The following MAD1L1 variants were observed in gnomAD, a reference collection of about 807,000 sequenced individuals.
MAD1L1 encodes mitotic spindle assembly checkpoint protein MAD1.
Under a neutral mutation model 96.9 loss-of-function variants are expected in MAD1L1, and 95 were observed. The observed-to-expected ratio is 0.98, with a 90% CI of 0.83 to 1.16. The LOEUF is 1.16. Ranked by LOEUF, MAD1L1 falls within the 50% of genes most tolerant of loss-of-function variation. The probability of loss-of-function intolerance (pLI) is 0.00; values close to 1 mark genes in which losing one functional copy is unlikely to be tolerated. For missense variants in MAD1L1, 1,007 were observed against 954.4 expected (o/e 1.06, Z -0.73); for synonymous variants, 473 against 396.6 (o/e 1.19, Z -2.29).
chr7:1,976,568 G>T (rs192481957), intron 15 of MAD1L1, among the ~76,000 whole-genome samples: 3 of 152,224 alleles, frequency 2.0e-5, no homozygotes, highest in African/African-American at 7.2e-5. Flanking sequence ...GATTTACTGC[G>T]AAGAGTGAAA....
At chr7:1,894,936 C>T (rs1786774811) in intron 18 of MAD1L1, among the ~76,000 whole-genome samples, 1 of 152,108 alleles carries the variant, frequency 6.6e-6, no homozygotes, top group South Asian at 2.1e-4. Context: ...ACAGGAGGGG[C>T]ACACTTAGGC....
At chr7:1,822,886 G>A (rs1163318099) in intron 18 of MAD1L1, among the ~76,000 whole-genome samples, 2 of 151,978 alleles carry the variant, frequency 1.3e-5, no homozygotes, top group African/African-American at 2.4e-5. Flanking sequence ...GACAGACATG[G>A]CTGGGGCAGC....
intron 18 of MAD1L1, among the ~76,000 whole-genome samples, chr7:1,844,562 G>A (rs927257136): frequency 2.0e-5 from 3 of 152,274 alleles, no homozygotes; most frequent in Middle Eastern, 3.4e-3. Context: ...CGCAGCTTGG[G>A]ACGGGCCTAC....
At chr7:2,223,308 C>A (rs920430073) in intron 4 of MAD1L1, among the ~76,000 whole-genome samples, 7 of 152,322 alleles carry the variant, frequency 4.6e-5, no homozygotes, top group South Asian at 4.1e-4. Flanking sequence ...ACCCACCCCC[C>A]ACGACTGGCC....
At chr7:1,951,387 T>C (rs1386161709) in intron 16 of MAD1L1, among the ~76,000 whole-genome samples, 1 of 152,184 alleles carries the variant, frequency 6.6e-6, no homozygotes. Context: ...GTCCGGGGTG[T>C]GGCTCACTCC....
At chr7:2,092,237 C>A (rs1786253391) in intron 11 of MAD1L1, among the ~76,000 whole-genome samples, 2 of 152,194 alleles carry the variant, frequency 1.3e-5, no homozygotes, top group African/African-American at 2.4e-5. Flanking sequence ...CCCCCAAAGA[C>A]AAATACTCCT....
chr7:2,019,881 G>A (rs1782709150), intron 12 of MAD1L1, among the ~76,000 whole-genome samples: 1 of 152,184 alleles, frequency 6.6e-6, no homozygotes, highest in Admixed American at 6.5e-5. Flanking sequence ...TCTCTTTCCT[G>A]GGCCTGCTGC....
chr7:1,859,019 G>A (rs1465419176), intron 18 of MAD1L1, among the ~76,000 whole-genome samples: 1 of 152,060 alleles, frequency 6.6e-6, no homozygotes, highest in Non-Finnish European at 1.5e-5. Flanking sequence ...CGGCCTGCAT[G>A]GGAGAGGTGG....
rs570122572 is a variant in MAD1L1 at position 1,866,757 on chromosome 7, C to G, written c.1998+31443G>C. 6.6e-5 allele frequency among the ~76,000 whole-genome samples: 10 copies of G among 152,234 alleles called. 1 individual carries two copies. The highest frequency in any genetic ancestry group is 2.4e-4 in the African/African-American group (10 of 41,546). ...CAACTAGATCTGTTCCACGGGCTGACGGGAGCCCTGAGGGCCTTCAGTGAG... is the reference window on the plus strand; with the variant it reads ...CAACTAGATCTGTTCCACGGGCTGAGGGGAGCCCTGAGGGCCTTCAGTGAG... On this transcript the variant is annotated intron_variant, in intron 18 of 18. Coordinates refer to ENST00000265854, the MANE Select transcript of MAD1L1 (RefSeq NM_001013836.2).
intron 9 of MAD1L1, among the ~76,000 whole-genome samples, chr7:2,214,730 C>T (rs956341817): frequency 2.0e-5 from 3 of 152,218 alleles, no homozygotes; most frequent in East Asian, 3.9e-4. Context: ...TTCTCTGAAC[C>T]TCAGTTTCCT....
intron 10 of MAD1L1, among the ~76,000 whole-genome samples, chr7:2,205,750 G>C (rs1173458766): frequency 6.6e-6 from 1 of 152,200 alleles, no homozygotes; most frequent in Non-Finnish European, 1.5e-5. Context: ...GGCGATTACA[G>C]TCTTAATTTG....
chr7:2,120,472 C>T (rs955579829), intron 11 of MAD1L1, among the ~76,000 whole-genome samples: 3 of 152,342 alleles, frequency 2.0e-5, no homozygotes, highest in Admixed American at 6.5e-5. Context: ...GCAATCTGCA[C>T]GGCTTCCAGA....
At chr7:2,057,564 C>T (rs543467888) in intron 12 of MAD1L1, among the ~76,000 whole-genome samples, 2 of 143,058 alleles carry the variant, frequency 1.4e-5, no homozygotes, top group African/African-American at 5.1e-5. Context: ...CATTAATGAT[C>T]GAGTGAGTGA....
chr7:1,875,649 C>T (rs563147320), intron 18 of MAD1L1, among the ~76,000 whole-genome samples: 2 of 152,288 alleles, frequency 1.3e-5, no homozygotes, highest in South Asian at 2.1e-4. Context: ...CCAGGAACCC[C>T]GGGAGGTATA....
chr7:1,820,645 G>A (rs1004926287), intron 18 of MAD1L1, among the ~76,000 whole-genome samples: 12 of 152,086 alleles, frequency 7.9e-5, no homozygotes, highest in Non-Finnish European at 1.3e-4. Context: ...TGTAGCCCCA[G>A]GTATGTGGGA....
At chr7:2,020,157 G>A (rs1782721907) in intron 12 of MAD1L1, among the ~76,000 whole-genome samples, 2 of 152,220 alleles carry the variant, frequency 1.3e-5, no homozygotes, top group African/African-American at 4.8e-5. Context: ...AGCCGCCCAG[G>A]CTGCGGCCCT....
At chr7:2,016,371 T>C (rs1428837774) in intron 12 of MAD1L1, among the ~76,000 whole-genome samples, 1 of 152,176 alleles carries the variant, frequency 6.6e-6, no homozygotes, top group Non-Finnish European at 1.5e-5. Context: ...ATGGCCCTGA[T>C]AGAGACCAGC....
At chr7:2,217,361 G>A (rs1371498871) in intron 7 of MAD1L1, among the ~76,000 whole-genome samples, 1 of 152,234 alleles carries the variant, frequency 6.6e-6, no homozygotes, top group East Asian at 1.9e-4. Context: ...GCTGCGAGGG[G>A]CCAGGGACCA....
At chr7:2,030,555 G>A (rs1783179603) in intron 12 of MAD1L1, among the ~76,000 whole-genome samples, 1 of 152,206 alleles carries the variant, frequency 6.6e-6, no homozygotes, top group African/African-American at 2.4e-5. Flanking sequence ...GAGGCCCCTG[G>A]GTAAGCCAGG....
Sources: gnomAD v4.1 joint callset for allele counts (sites outside exome capture counted in the v4.1 genomes callset) on GRCh38, gnomAD v4.1.1 for gene constraint, MANE v1.5 for transcripts, NCBI Gene and HGNC (gene_info 2026-07-23, HGNC 2026-07-21) for gene names.